Variants in IGF2BP1 observed in about 807,000 individuals in gnomAD.
IGF2BP1 encodes insulin like growth factor 2 mRNA binding protein 1.
Under a neutral mutation model 74.9 loss-of-function variants are expected in IGF2BP1, and 11 were observed. The observed-to-expected ratio is 0.15, with a 90% CI of 0.09 to 0.24. IGF2BP1 has a LOEUF of 0.24. Ranked by LOEUF, IGF2BP1 falls within the 10% of genes least tolerant of loss-of-function variation. IGF2BP1 has a pLI of 1.00. For synonymous variants in IGF2BP1, 287 were observed against 281.8 expected (o/e 1.02, Z -0.18); for missense variants, 440 against 757.4 (o/e 0.58, Z 4.92).
chr17:49,000,980 C>T (rs944149687), intron 2 of IGF2BP1, among the ~76,000 whole-genome samples: 5 of 116,520 alleles, frequency 4.3e-5, no homozygotes, highest in Admixed American at 2.5e-4. Context: ...TAAATTAGAT[C>T]TTTTATGTGT....
At chr17:49,035,773 C>T (rs969277667) in intron 5 of IGF2BP1, among the ~76,000 whole-genome samples, 2 of 152,216 alleles carry the variant, frequency 1.3e-5, no homozygotes, top group African/African-American at 4.8e-5. Flanking sequence ...CTCCCTGACC[C>T]GGGCCCGCCC....
At chr17:49,031,754 G>A (rs983012879) in intron 4 of IGF2BP1, among the ~76,000 whole-genome samples, 156 bp from the exon 5 acceptor site, 1 of 151,956 alleles carries the variant, frequency 6.6e-6, no homozygotes, top group Non-Finnish European at 1.5e-5. Context: ...CGCCCGCCTC[G>A]CCCTCCCAAG....
chr17:49,041,601 G>A (rs891501900), intron 8 of IGF2BP1, 101 bp downstream of exon 8: 30 of 1,470,808 alleles, frequency 2.0e-5, no homozygotes, highest in East Asian at 4.5e-5. Context: ...TTTAAAATGG[G>A]TGCTCCTTCT....
intron 4 of IGF2BP1, among the ~76,000 whole-genome samples, chr17:49,031,501 C>CTT (rs879764030): frequency 2.1e-5 from 3 of 143,460 alleles, no homozygotes; most frequent in Non-Finnish European, 3.1e-5. Context: ...TTTCTTTCTT[C>CTT]TTTTTTTTTT....
intron 5 of IGF2BP1, among the ~76,000 whole-genome samples, chr17:49,033,786 T>C (rs2144091984): frequency 6.6e-6 from 1 of 152,196 alleles, no homozygotes. Flanking sequence ...CCATTCTGTC[T>C]CCAATTCCTA....
chr17:49,006,773 A>G (rs928725981), intron 2 of IGF2BP1, among the ~76,000 whole-genome samples: 1 of 152,168 alleles, frequency 6.6e-6, no homozygotes, highest in African/African-American at 2.4e-5. Context: ...CTCTACCTGT[A>G]TGTTGAAAGG....
chr17:49,019,904 T>TTATTTATA (rs2041756916), intron 2 of IGF2BP1, among the ~76,000 whole-genome samples: 1 of 43,910 alleles, frequency 2.3e-5, no homozygotes. Context: ...CCTGGCTAAT[T>TTATTTATA]TATATATATA....
At position 49,055,760 on chromosome 17, in the gene IGF2BP1, CACTT is replaced by C; in HGVS notation, c.*6320_*6323del. 2.5e-6 allele frequency: 1 copy of C among 394,748 alleles called. No homozygotes were observed. The highest frequency in any genetic ancestry group is 4.4e-5 in the Admixed American group (1 of 22,540). 24.5% of individuals were successfully genotyped at this position (394,748 alleles called of 1,614,324 possible). ...GGATTTGTAAGCAGTTCTGAAACAT[CACTT>C]ACTCAGAAGAGGGAACGATGTATTT... On this transcript the variant is annotated 3_prime_UTR_variant, in exon 15 of 15. Transcript: ENST00000290341.
intron 2 of IGF2BP1, among the ~76,000 whole-genome samples, chr17:49,006,655 G>A (rs2041554256): frequency 6.6e-6 from 1 of 152,156 alleles, no homozygotes. Flanking sequence ...TCCATGAGAG[G>A]TTGTCTTTGA....
chr17:48,998,007 T>C, intron 1 of IGF2BP1, 87 bp downstream of exon 1: 1 of 1,466,332 alleles, frequency 6.8e-7, no homozygotes, highest in Non-Finnish European at 9.3e-7. Context: ...TCCCGCCAAC[T>C]CCTCTCTTCC....
At chr17:49,035,602 A>G (rs1159572799) in intron 5 of IGF2BP1, among the ~76,000 whole-genome samples, 1 of 152,160 alleles carries the variant, frequency 6.6e-6, no homozygotes, top group Non-Finnish European at 1.5e-5. Context: ...GCCCCACCAC[A>G]TGGCGCCTCC....
At chr17:49,019,464 T>TAAAA (rs1428104601) in intron 2 of IGF2BP1, among the ~76,000 whole-genome samples, 10 of 152,186 alleles carry the variant, frequency 6.6e-5, no homozygotes, top group African/African-American at 2.4e-4. Context: ...TACGTCTTTT[T>TAAAA]AGTTTTTACC....
intron 2 of IGF2BP1, among the ~76,000 whole-genome samples, chr17:49,025,313 AGTGTGTGTGTGTGTGT>A (rs369153046): frequency 1.6e-3 from 209 of 133,650 alleles, no homozygotes; most frequent in Middle Eastern, 0.012. Flanking sequence ...GGACAAACAA[AGTGTGTGTGTGTGTGT>A]GTGTGTGTGT....
At chr17:49,005,014 C>T (rs1246276813) in intron 2 of IGF2BP1, among the ~76,000 whole-genome samples, 6 of 152,146 alleles carry the variant, frequency 3.9e-5, no homozygotes, top group African/African-American at 1.4e-4. Context: ...TTGGATGGCC[C>T]TTCAGATTTT....
intron 7 of IGF2BP1, 81 bp downstream of exon 7, chr17:49,040,172 C>A: frequency 6.9e-7 from 1 of 1,453,272 alleles, no homozygotes; most frequent in Non-Finnish European, 9.5e-7. Context: ...AGCTTTTATA[C>A]AGACATATAA....
rs143509742 is a variant in IGF2BP1 at position 48,997,773 on chromosome 17, A to G, written c.28A>G (p.Asn10Asp). MNKLYIGNL[N>D]ESVTPADLEK... ...GAACAAGCTTTACATCGGCAACCTC[A>G]ACGAGAGCGTGACCCCCGCGGACTT... Residue 10 changes from asparagine (N) to aspartate (D), a missense_variant, in exon 1 of 15, where the codon AAC becomes GAC. By Grantham distance (23) the Asn-to-Asp change is conservative. Transcript: ENST00000290341. The surrounding 1 kb of genome is among the most constrained non-coding windows in gnomAD (Gnocchi z 4.8). 294 of 1,613,442 alleles carry G rather than the reference A, an allele frequency of 1.8e-4. No individual in the cohort carries two copies. Among genetic ancestry groups the G allele is most frequent in the Non-Finnish European group, 2.4e-4 (279 of 1,179,724 alleles).
At position 49,045,125 on chromosome 17, in the gene IGF2BP1, C is replaced by T. The variant is rs117654052; in HGVS notation, c.1395+60C>T. On this transcript the variant is annotated intron_variant, in intron 12 of 14. Coordinates refer to ENST00000290341, the MANE Select transcript of IGF2BP1 (RefSeq NM_006546.4). ...GAGGAATTGAGGTTGGGTATTTCCC[C>T]TGAGGTAGGAAAAAGGCTGGGTCAG... The T allele has an allele frequency of 7.2e-4, 1,049 of 1,459,576 alleles. 27 individuals carry two copies. In the East Asian group the frequency reaches 0.024, roughly 33 times the overall value. 90.4% of individuals were successfully genotyped at this position (1,459,576 alleles called of 1,614,324 possible).
chr17:49,011,163 A>AAAAAC (rs2041615227), intron 2 of IGF2BP1, among the ~76,000 whole-genome samples: 2 of 144,740 alleles, frequency 1.4e-5, no homozygotes, highest in South Asian at 2.2e-4. Flanking sequence ...AAAAAAAAAA[A>AAAAAC]AAAACAAACC....
At chr17:49,031,039 G>A (rs1187214976) in intron 4 of IGF2BP1, among the ~76,000 whole-genome samples, 2 of 152,168 alleles carry the variant, frequency 1.3e-5, no homozygotes, top group East Asian at 1.9e-4. Flanking sequence ...TGCTGATAGG[G>A]TGGCTACACC....
Sources: allele counts gnomAD v4.1 joint callset (sites outside exome capture counted in the v4.1 genomes callset), GRCh38; gene constraint gnomAD v4.1.1; non-coding constraint Gnocchi (gnomAD v3.1); transcripts MANE v1.5; gene names NCBI Gene and HGNC (gene_info 2026-07-23, HGNC 2026-07-21).